Variants in MTUS2 observed in about 807,000 individuals in gnomAD.
MTUS2 encodes the protein microtubule-associated tumor suppressor candidate 2.
Under a neutral mutation model 114.1 loss-of-function variants are expected in MTUS2, and 40 were observed. The ratio of observed to expected loss-of-function variants is 0.35; its 90% CI spans 0.27 to 0.46. MTUS2 has a LOEUF of 0.46. Among genes scored for constraint, MTUS2 ranks in the 20% least tolerant of loss-of-function variants. The pLI is 1.00. For synonymous variants in MTUS2, 688 were observed against 672.0 expected, an observed-to-expected ratio of 1.02 and a Z score of -0.37; for missense variants, 1,679 against 1,705.4, an observed-to-expected ratio of 0.98 and a Z score of 0.27.
At chr13:29,107,684 C>T (rs1890724420) in intron 5 of MTUS2, among the ~76,000 whole-genome samples, 1 of 152,078 alleles carries the variant, frequency 6.6e-6, no homozygotes, top group Non-Finnish European at 1.5e-5. Flanking sequence ...TATATATCTC[C>T]TTGGATATAC....
chr13:29,020,792 G>A (rs1299892556), intron 2 of MTUS2, among the ~76,000 whole-genome samples: 3 of 151,518 alleles, frequency 2.0e-5, no homozygotes, highest in Non-Finnish European at 4.4e-5. Context: ...CTCATGAGCT[G>A]TGTGACCTTG....
chr13:29,498,890 A>T (rs1882718089), intron 14 of MTUS2, among the ~76,000 whole-genome samples: 1 of 152,160 alleles, frequency 6.6e-6, no homozygotes. Context: ...ACTTTCCCCG[A>T]GCCTGCGCCT....
At chr13:29,231,330 A>G (rs115830877) in intron 5 of MTUS2, among the ~76,000 whole-genome samples, 1 of 152,174 alleles carries the variant, frequency 6.6e-6, no homozygotes, top group Admixed American at 6.5e-5. Context: ...TTTCCAACAC[A>G]CAAAACTAAA....
Position 29,492,739 on chromosome 13 carries a change from T to G in MTUS2, c.3579+20T>G, listed in dbSNP as rs756689386. 1 of 1,580,390 alleles carries G rather than the reference T, an allele frequency of 6.3e-7. No individual in the cohort carries two copies. The highest frequency in any genetic ancestry group is 2.2e-5 in the East Asian group (1 of 44,702). ...TTGCAGGTTAGTATTTCTTTAATTTTCTTACCTGGTATCGAGATAATGGCA... is the reference window on the plus strand; with the variant it reads ...TTGCAGGTTAGTATTTCTTTAATTTGCTTACCTGGTATCGAGATAATGGCA... On this transcript the variant is annotated intron_variant, in intron 12 of 15. Transcript: ENST00000612955.
intron 2 of MTUS2, among the ~76,000 whole-genome samples, chr13:28,944,002 G>A (rs2138144329): frequency 6.6e-6 from 1 of 151,884 alleles, no homozygotes; most frequent in South Asian, 2.1e-4. Context: ...GCTTTTTTTT[G>A]TAGTGTATTG....
chr13:29,203,837 C>A (rs1394511273), intron 5 of MTUS2, among the ~76,000 whole-genome samples: 2 of 152,152 alleles, frequency 1.3e-5, no homozygotes, highest in Admixed American at 6.5e-5. Context: ...CTTCATCTCA[C>A]CCCCCATGGG....
At chr13:29,465,602 G>A (rs1879832730) in intron 9 of MTUS2, among the ~76,000 whole-genome samples, 1 of 152,066 alleles carries the variant, frequency 6.6e-6, no homozygotes, top group African/African-American at 2.4e-5. Flanking sequence ...CTGGGGTCTG[G>A]GTGATGCCTC....
intron 2 of MTUS2, among the ~76,000 whole-genome samples, chr13:28,960,682 G>A (rs2138210664): frequency 6.6e-6 from 1 of 152,274 alleles, no homozygotes; most frequent in African/African-American, 2.4e-5. Flanking sequence ...ATAGATTAGT[G>A]GTTTCCAGGG....
chr13:28,894,914 A>G (rs1003141620), intron 2 of MTUS2, among the ~76,000 whole-genome samples: 1 of 152,234 alleles, frequency 6.6e-6, no homozygotes, highest in Non-Finnish European at 1.5e-5. Flanking sequence ...AGATTAATGA[A>G]TTGGCTAATT....
chr13:29,080,867 AG>A (rs1045851023), intron 4 of MTUS2, among the ~76,000 whole-genome samples: 13 of 152,094 alleles, frequency 8.5e-5, no homozygotes. Context: ...CTGGGATTAC[AG>A]GTGCCCACCA....
chr13:28,930,387 C>G (rs1038776919), intron 2 of MTUS2, among the ~76,000 whole-genome samples: 1 of 152,124 alleles, frequency 6.6e-6, no homozygotes, highest in African/African-American at 2.4e-5. Flanking sequence ...ATCTCTGGGT[C>G]GGCTTGTGTG....
chr13:29,237,286 T>C (rs1896569645), intron 5 of MTUS2, among the ~76,000 whole-genome samples: 1 of 152,196 alleles, frequency 6.6e-6, no homozygotes, highest in African/African-American at 2.4e-5. Flanking sequence ...CAGATGATTT[T>C]ATTTTCCTAC....
intron 5 of MTUS2, among the ~76,000 whole-genome samples, chr13:29,183,514 G>A (rs79520270): frequency 0.011 from 1,644 of 152,282 alleles, 26 homozygotes; most frequent in African/African-American, 0.038. Flanking sequence ...AGCTAGAGAT[G>A]TAAAATTGAG....
intron 8 of MTUS2, among the ~76,000 whole-genome samples, chr13:29,375,599 A>AT (rs1566163623): frequency 4.4e-4 from 2 of 4,576 alleles, no homozygotes; most frequent in Non-Finnish European, 1.3e-3. Flanking sequence ...GTATATATAT[A>AT]TATATATACG....
At chr13:29,325,502 AGG>A in intron 7 of MTUS2, among the ~76,000 whole-genome samples, 1 of 131,490 alleles carries the variant, frequency 7.6e-6, no homozygotes, top group Non-Finnish European at 1.6e-5. Context: ...GAGGAGGAGG[AGG>A]AGGAGAAGGA....
chr13:29,162,774 G>C (rs1206011281), intron 5 of MTUS2, among the ~76,000 whole-genome samples: 3 of 152,210 alleles, frequency 2.0e-5, no homozygotes, highest in South Asian at 2.1e-4. Context: ...AGTGACTGCT[G>C]CTTCATTTCT....
chr13:29,482,848 T>C (rs373542921), intron 10 of MTUS2, among the ~76,000 whole-genome samples: 1 of 152,342 alleles, frequency 6.6e-6, no homozygotes, highest in African/African-American at 2.4e-5. Flanking sequence ...AGCCTGTGAA[T>C]TATTCAGGCC....
chr13:28,829,625 G>C (rs994286328), intron 1 of MTUS2, among the ~76,000 whole-genome samples: 1 of 152,096 alleles, frequency 6.6e-6, no homozygotes, highest in African/African-American at 2.4e-5. Flanking sequence ...TCAGAAAATT[G>C]TCACTATATG....
At chr13:28,880,078 T>C (rs1258477346) in intron 2 of MTUS2, among the ~76,000 whole-genome samples, 1 of 152,228 alleles carries the variant, frequency 6.6e-6, no homozygotes, top group Non-Finnish European at 1.5e-5. Flanking sequence ...CAATTTTTGT[T>C]GATACTTCTT....
Sources: allele counts gnomAD v4.1 joint callset (sites outside exome capture counted in the v4.1 genomes callset), GRCh38; gene constraint gnomAD v4.1.1; transcripts MANE v1.5; gene names NCBI Gene and HGNC (gene_info 2026-07-23, HGNC 2026-07-21).